The following MSL2 variants were observed in gnomAD, a reference collection of about 807,000 sequenced individuals.
MSL2 encodes E3 ubiquitin-protein ligase MSL2.
In MSL2, 2 loss-of-function variants were observed where a neutral mutation model predicts 35.8. The ratio of observed to expected loss-of-function variants is 0.06; its 90% confidence interval spans 0.02 to 0.18. MSL2 has a LOEUF of 0.18. Among genes scored for constraint, MSL2 ranks in the 10% least tolerant of loss-of-function variants. MSL2 has a pLI of 1.00. For missense variants in MSL2, 523 were observed against 706.7 expected, an observed-to-expected ratio of 0.74 and a Z score of 2.95; for synonymous variants, 296 against 255.7, an observed-to-expected ratio of 1.16 and a Z score of -1.50.
rs1204136108 is a variant in MSL2 at position 136,151,526 on chromosome 3, A to C, written c.1355T>G (p.Val452Gly). ...HFMPGSPTKT[V>G]YKKPQEKKGC... The stretch of plus-strand genomic sequence containing the variant: ...TTTCTTTTCCTGGGGTTTTTTGTAC[A>C]CAGTCTTGGTAGGACTTCCTGGCAT... Residue 452 changes from valine to glycine, a missense_variant, in exon 2 of 2, where the codon GTG (valine) becomes GGG (glycine). Val to Gly is a moderately radical substitution (Grantham distance 109, BLOSUM62 -3). Transcript: ENST00000309993. The surrounding 1 kb of genome is among the most constrained non-coding windows in gnomAD (Gnocchi z 5.2). 6.2e-7 allele frequency: 1 copy of C among 1,614,148 alleles called. No individual in the cohort carries two copies. The highest frequency in any genetic ancestry group is 2.2e-5 in the East Asian group (1 of 44,874).
intron 1 of MSL2, among the ~76,000 whole-genome samples, chr3:136,160,873 G>A (rs144174482): frequency 2.0e-5 from 3 of 152,200 alleles, no homozygotes; most frequent in Non-Finnish European, 4.4e-5. Context: ...CAGATCACGA[G>A]GTCAGGAGAT....
At chr3:136,179,432 C>T (rs1576370645) in intron 1 of MSL2, among the ~76,000 whole-genome samples, 2 of 152,290 alleles carry the variant, frequency 1.3e-5, no homozygotes, top group South Asian at 2.1e-4. Flanking sequence ...ATCTACCTGC[C>T]TTGGCATCTC....
At chr3:136,153,193 C>T (rs1939421787) in intron 1 of MSL2, 1 of 371,076 alleles carries the variant, frequency 2.7e-6, no homozygotes, top group African/African-American at 2.2e-5. Context: ...ATGATCTTGC[C>T]ACTGCACTCC....
At chr3:136,173,084 A>T (rs747924751) in intron 1 of MSL2, among the ~76,000 whole-genome samples, 1 of 152,106 alleles carries the variant, frequency 6.6e-6, no homozygotes, top group Non-Finnish European at 1.5e-5. Flanking sequence ...AATCGCTTGA[A>T]CCCAGAAAGC....
At chr3:136,168,762 A>T (rs1178929038) in intron 1 of MSL2, among the ~76,000 whole-genome samples, 1 of 152,118 alleles carries the variant, frequency 6.6e-6, no homozygotes, top group Non-Finnish European at 1.5e-5. Context: ...ATAATAAAAA[A>T]AAAAAACTCA....
At chr3:136,163,741 C>G (rs971145972) in intron 1 of MSL2, among the ~76,000 whole-genome samples, 4 of 152,210 alleles carry the variant, frequency 2.6e-5, no homozygotes, top group Admixed American at 6.5e-5. Context: ...GTGGAGATAA[C>G]TGAATCATGG....
chr3:136,189,603 A>G (rs1490668520), intron 1 of MSL2, among the ~76,000 whole-genome samples: 1 of 151,184 alleles, frequency 6.6e-6, no homozygotes, highest in Non-Finnish European at 1.5e-5. Flanking sequence ...GGGTGCCTGC[A>G]GTCCCAGCTA....
In MSL2 at chr3:136,193,213, T is replaced by C. The variant is rs1383040825; in HGVS notation, c.142+1759A>G. ...TCCAGGTTAGAACTTGGGAAAATGT[T>C]CAATTAGACCACCACTACCATCCGA... On this transcript the variant is annotated intron_variant, in intron 1 of 1. Transcript: ENST00000309993. Among the ~76,000 whole-genome samples, 4 of 152,198 alleles carry C rather than the reference T, an allele frequency of 2.6e-5. No individual in the cohort carries two copies. In the East Asian group the frequency reaches 5.8e-4, roughly 22 times the overall value.
chr3:136,149,289 A>G lies in MSL2; in HGVS notation c.*1858T>C, dbSNP rs1939268433. On this transcript the variant is annotated 3_prime_UTR_variant, in exon 2 of 2. Coordinates refer to ENST00000309993, the MANE Select transcript of MSL2 (RefSeq NM_018133.4). ...TTGCAGTGATCATTAGTGAATAAAG[A>G]ACAGATTTACAACTTTATATAGCAG... is the stretch of plus-strand genomic sequence containing the variant. The G allele has an allele frequency of 1.3e-5, 2 of 152,620 alleles. No homozygotes were observed. Among genetic ancestry groups the G allele is most frequent in the Admixed American group, 1.3e-4 (2 of 15,274 alleles). 9.5% of individuals were successfully genotyped at this position (152,620 alleles called of 1,614,324 possible).
chr3:136,188,295 G>A (rs773171322), intron 1 of MSL2, among the ~76,000 whole-genome samples: 5 of 152,092 alleles, frequency 3.3e-5, no homozygotes, highest in Non-Finnish European at 7.4e-5. Context: ...TTAGCTAGGC[G>A]TGGTGGGGCA....
At chr3:136,158,261 G>A (rs1005032000) in intron 1 of MSL2, among the ~76,000 whole-genome samples, 2 of 147,150 alleles carry the variant, frequency 1.4e-5, no homozygotes, top group Non-Finnish European at 3.0e-5. Flanking sequence ...GCGGTGAGCC[G>A]AGATCATGCC....
At chr3:136,167,792 G>C (rs914478615) in intron 1 of MSL2, among the ~76,000 whole-genome samples, 1 of 152,016 alleles carries the variant, frequency 6.6e-6, no homozygotes, top group African/African-American at 2.4e-5. Flanking sequence ...TTAAATATAT[G>C]GGAAAATATT....
chr3:136,163,780 A>C (rs113497789), intron 1 of MSL2, among the ~76,000 whole-genome samples: 1 of 152,314 alleles, frequency 6.6e-6, no homozygotes, highest in South Asian at 2.1e-4. Context: ...TTCTTGTGAT[A>C]ATCAGTTCTC....
At chr3:136,159,030 GTGTC>G (rs1278027788) in intron 1 of MSL2, among the ~76,000 whole-genome samples, 1 of 152,154 alleles carries the variant, frequency 6.6e-6, no homozygotes, top group African/African-American at 2.4e-5. Context: ...CAAAATTGAT[GTGTC>G]TGTAAGTTCA....
At position 136,158,876 on chromosome 3, in the gene MSL2, T is replaced by C. The variant is rs1028665978; in HGVS notation, c.143-6138A>G. ...TCCATTCACAATAGCATCAAGAATA[T>C]ACTTAAAATATTTAGAAAAACTTTA... On this transcript the variant is annotated intron_variant, in intron 1 of 1. Transcript: ENST00000309993. 3.3e-5 allele frequency among the ~76,000 whole-genome samples: 5 copies of C among 152,292 alleles called. No homozygotes were observed. The East Asian group carries it at 9.6e-4, about 29-fold the overall frequency.
At chr3:136,194,326 AAAAT>A in intron 1 of MSL2, 2 of 789,112 alleles carry the variant, frequency 2.5e-6, no homozygotes, top group Non-Finnish European at 3.1e-6. Flanking sequence ...AAAAACATCT[AAAAT>A]AACCCTCGAC....
intron 1 of MSL2, among the ~76,000 whole-genome samples, chr3:136,180,145 C>T (rs1400419865): frequency 6.6e-6 from 1 of 152,138 alleles, no homozygotes; most frequent in East Asian, 1.9e-4. Flanking sequence ...GCTAAAATGG[C>T]ATACATTACA....
intron 1 of MSL2, among the ~76,000 whole-genome samples, chr3:136,166,017 T>C (rs561059888): frequency 7.3e-6 from 1 of 136,762 alleles, no homozygotes; most frequent in African/African-American, 2.8e-5. Context: ...ACACCTACTA[T>C]GTACCCATAA....
chr3:136,161,566 T>C (rs911312281), intron 1 of MSL2, among the ~76,000 whole-genome samples: 9 of 152,188 alleles, frequency 5.9e-5, no homozygotes, highest in Admixed American at 2.6e-4. Context: ...ACAACATGGA[T>C]GAACTTCCAA....
Sources: allele counts gnomAD v4.1 joint callset (sites outside exome capture counted in the v4.1 genomes callset), GRCh38; gene constraint gnomAD v4.1.1; non-coding constraint Gnocchi (gnomAD v3.1); transcripts MANE v1.5; gene names NCBI Gene and HGNC (gene_info 2026-07-23, HGNC 2026-07-21).